The following SOX5 variants were observed in gnomAD, a reference collection of about 807,000 sequenced individuals.
The protein encoded by SOX5 is transcription factor SOX-5.
SOX5 carries 9 observed loss-of-function variants against 92.0 expected under a neutral mutation model. The ratio of observed to expected loss-of-function variants is 0.10; its 90% CI spans 0.06 to 0.17. The LOEUF is 0.17. SOX5 is among the 10% of genes least tolerant of loss of function. SOX5 has a pLI of 1.00. For synonymous variants in SOX5, 344 were observed against 336.3 expected (o/e 1.02, Z -0.25); for missense variants, 642 against 944.5 (o/e 0.68, Z 4.20).
intron 3 of SOX5, among the ~76,000 whole-genome samples, chr12:23,801,864 T>C (rs922345549): frequency 2.0e-5 from 3 of 152,146 alleles, no homozygotes; most frequent in African/African-American, 7.2e-5. Flanking sequence ...CTTCACCATC[T>C]TGACTACTAC....
rs1037225149 is a variant in SOX5, at chr12:24,033,423, A to G, written c.-1-137399T>C. ...AGGACCATTACAAAGTGATTTAAAA[A>G]AAGAGTATCAATCCCAGCTTAAAAA... is the stretch of plus-strand genomic sequence containing the variant. On this transcript the variant is annotated intron_variant, in intron 4 of 4. Transcript: ENST00000446891. Among the ~76,000 whole-genome samples, 3 of 152,022 alleles carry G rather than the reference A, an allele frequency of 2.0e-5. No individual in the cohort carries two copies. In the East Asian group the frequency reaches 5.8e-4, roughly 29 times the overall value.
intron 4 of SOX5, among the ~76,000 whole-genome samples, chr12:24,171,573 T>A (rs1202535009): frequency 1.3e-5 from 2 of 152,140 alleles, no homozygotes; most frequent in African/African-American, 4.8e-5. Context: ...CAGAATTTTA[T>A]GAGGCAATGG....
At chr12:24,184,064 A>G (rs1047672697) in intron 4 of SOX5, among the ~76,000 whole-genome samples, 1 of 152,158 alleles carries the variant, frequency 6.6e-6, no homozygotes, top group African/African-American at 2.4e-5. Context: ...CCTATCTGCA[A>G]ATACCTTAGA....
At chr12:23,772,391 A>G (rs1311876382) in intron 3 of SOX5, among the ~76,000 whole-genome samples, 1 of 152,238 alleles carries the variant, frequency 6.6e-6, no homozygotes, top group East Asian at 1.9e-4. Context: ...GTACACCAAC[A>G]TTAAATAACA....
At chr12:24,038,163 A>G (rs1335163772) in intron 4 of SOX5, among the ~76,000 whole-genome samples, 6 of 152,192 alleles carry the variant, frequency 3.9e-5, no homozygotes, top group South Asian at 2.1e-4. Context: ...GAGATAAAAG[A>G]GTCCCAAATA....
At position 24,430,876 on chromosome 12, in the gene SOX5, C is replaced by T. The variant is rs865917232; in HGVS notation, c.-250-62237G>A. Among the ~76,000 whole-genome samples, 4 of 152,122 alleles carry T rather than the reference C, an allele frequency of 2.6e-5. No individual in the cohort carries two copies. The South Asian group carries it at 6.2e-4, about 24-fold the overall frequency. The stretch of plus-strand genomic sequence containing the variant: ...ACCAATTTATGTTACAATTCTGAGC[C>T]TCAAATCTACTCATCTTTAAAATTG... On this transcript the variant is annotated intron_variant, in intron 1 of 4. Transcript: ENST00000446891.
Position 24,085,757 on chromosome 12 carries a change from T to C in SOX5, c.-2+127586A>G, listed in dbSNP as rs181548373. ...TTGAAAGAAGAAAAGTTCTTCATTT[T>C]GGAAAGAAAAAAAATCTTGTCATTG... On this transcript the variant is annotated intron_variant, in intron 4 of 4. Transcript: ENST00000446891. Among the ~76,000 whole-genome samples the C allele has an allele frequency of 5.1e-4, 78 of 152,022 alleles. 1 individual carries two copies. The highest frequency in any genetic ancestry group is 8.7e-4 in the Non-Finnish European group (59 of 67,936).
intron 4 of SOX5, among the ~76,000 whole-genome samples, chr12:24,145,547 A>C (rs535475475): frequency 2.6e-5 from 4 of 152,312 alleles, no homozygotes; most frequent in Non-Finnish European, 5.9e-5. Context: ...CCCGGGCTGA[A>C]GTGCAGTGGA....
upstream of SOX5, among the ~76,000 whole-genome samples, chr12:23,949,920 A>T (rs980611583): frequency 1.3e-5 from 2 of 151,200 alleles, no homozygotes; most frequent in Admixed American, 1.3e-4. Context: ...CTCCGGCTGC[A>T]AGGCTCTAGA....
intron 2 of SOX5, among the ~76,000 whole-genome samples, chr12:24,348,049 C>CAAAAAAAAAAAAAAAAAAAA (rs1182462748): frequency 1.7e-4 from 12 of 72,704 alleles, no homozygotes; most frequent in Non-Finnish European, 2.0e-4. Flanking sequence ...TACAGCTAAT[C>CAAAAAAAAAAAAAAAAAAAA]AAAAAAAAAA....
intron 8 of SOX5, among the ~76,000 whole-genome samples, chr12:23,611,811 T>C (rs1442383957): frequency 1.3e-5 from 2 of 151,980 alleles, no homozygotes; most frequent in African/African-American, 4.8e-5. Flanking sequence ...ATGTCCACCA[T>C]CCTCTCTCTA....
chr12:23,775,956 G>A (rs1319817504), intron 3 of SOX5, among the ~76,000 whole-genome samples: 1 of 152,196 alleles, frequency 6.6e-6, no homozygotes, highest in African/African-American at 2.4e-5. Flanking sequence ...CTGTGGGCAG[G>A]GGGAGGGGAG....
At chr12:23,782,022 A>G (rs1045752606) in intron 3 of SOX5, among the ~76,000 whole-genome samples, 1 of 152,066 alleles carries the variant, frequency 6.6e-6, no homozygotes, top group African/African-American at 2.4e-5. Flanking sequence ...TTTATTGACT[A>G]GAAAATTCCA....
chr12:24,311,900 T>C (rs1289582010), intron 2 of SOX5, among the ~76,000 whole-genome samples: 4 of 152,204 alleles, frequency 2.6e-5, no homozygotes, highest in East Asian at 1.9e-4. Context: ...TAGAAAAACA[T>C]GCTTCATCCT....
At chr12:23,852,616 T>C (rs1199279639) in intron 2 of SOX5, among the ~76,000 whole-genome samples, 1 of 152,186 alleles carries the variant, frequency 6.6e-6, no homozygotes, top group Non-Finnish European at 1.5e-5. Flanking sequence ...AGGCTTTTAT[T>C]TAATTACTAA....
intron 1 of SOX5, among the ~76,000 whole-genome samples, chr12:24,549,248 TA>T (rs1398828464): frequency 6.6e-6 from 1 of 152,198 alleles, no homozygotes; most frequent in African/African-American, 2.4e-5. Flanking sequence ...TTTGCAATCA[TA>T]AACGCTGATA....
chr12:24,165,537 T>TA (rs1208209912), intron 4 of SOX5, among the ~76,000 whole-genome samples: 1 of 152,190 alleles, frequency 6.6e-6, no homozygotes, highest in Non-Finnish European at 1.5e-5. Flanking sequence ...TCAAAATAAC[T>TA]ATAAGTCAAA....
intron 6 of SOX5, among the ~76,000 whole-genome samples, chr12:23,690,104 C>T (rs1032375157): frequency 6.6e-6 from 1 of 152,186 alleles, no homozygotes; most frequent in Non-Finnish European, 1.5e-5. Flanking sequence ...ATTCAACATT[C>T]AGTTCAGGCC....
At chr12:24,353,143 C>T (rs1954320878) in intron 2 of SOX5, among the ~76,000 whole-genome samples, 1 of 152,104 alleles carries the variant, frequency 6.6e-6, no homozygotes, top group Non-Finnish European at 1.5e-5. Flanking sequence ...TAACTAAACC[C>T]CATTGGTCAA....
Sources: allele counts gnomAD v4.1 joint callset (sites outside exome capture counted in the v4.1 genomes callset), GRCh38; gene constraint gnomAD v4.1.1; transcripts MANE v1.5; gene names NCBI Gene and HGNC (gene_info 2026-07-23, HGNC 2026-07-21).